Variants in SLC37A1 observed in about 807,000 individuals in gnomAD.
SLC37A1 encodes glucose-6-phosphate exchanger SLC37A1.
A neutral mutation model predicts 75.3 loss-of-function variants in SLC37A1; 49 were observed. The observed-to-expected ratio is 0.65, with a 90% CI of 0.52 to 0.83. The LOEUF is 0.83. Ranked by LOEUF, SLC37A1 falls within the 40% of genes least tolerant of loss-of-function variation. SLC37A1 has a pLI of 0.00. For missense variants in SLC37A1, 566 were observed against 695.0 expected, an observed-to-expected ratio of 0.81 and a Z score of 2.09; for synonymous variants, 268 against 292.1, an observed-to-expected ratio of 0.92 and a Z score of 0.84.
At chr21:42,515,544 C>T (rs897038398) in intron 1 of SLC37A1, among the ~76,000 whole-genome samples, 7 of 152,210 alleles carry the variant, frequency 4.6e-5, no homozygotes, top group Non-Finnish European at 1.0e-4. Flanking sequence ...GCGCAGATCA[C>T]ATGTGGGTGG....
intron 5 of SLC37A1, 116 bp downstream of exon 5, chr21:42,535,666 T>A (rs367544377): frequency 1.2e-6 from 1 of 856,188 alleles, no homozygotes. Context: ...CGCTTGCCAC[T>A]GGCTTCCCTG....
intron 3 of SLC37A1, among the ~76,000 whole-genome samples, chr21:42,529,165 T>C (rs753895731): frequency 3.9e-5 from 6 of 152,170 alleles, no homozygotes; most frequent in Non-Finnish European, 8.8e-5. Context: ...GTCAGTAGAA[T>C]AGATTAGAAA....
intron 12 of SLC37A1, among the ~76,000 whole-genome samples, chr21:42,562,655 G>A (rs554839829): frequency 3.4e-4 from 41 of 121,344 alleles, no homozygotes; most frequent in African/African-American, 1.1e-3. Context: ...ATCAGAAAAC[G>A]TGCCAGTGAA....
intron 10 of SLC37A1, among the ~76,000 whole-genome samples, chr21:42,554,413 G>A (rs144225371): frequency 1.5e-3 from 228 of 152,312 alleles, no homozygotes; most frequent in African/African-American, 5.3e-3. Flanking sequence ...GGCGGTGCTG[G>A]TGTAGACGGA....
chr21:42,510,085 T>C (rs915899060), upstream of SLC37A1, among the ~76,000 whole-genome samples: 2 of 152,248 alleles, frequency 1.3e-5, no homozygotes, highest in Non-Finnish European at 2.9e-5. Context: ...TGGAGTGCAG[T>C]GATGCGATCT....
intron 17 of SLC37A1, among the ~76,000 whole-genome samples, chr21:42,568,918 C>T (rs375225374): frequency 6.6e-6 from 1 of 152,254 alleles, no homozygotes; most frequent in Non-Finnish European, 1.5e-5. Context: ...GCAGGTGGAG[C>T]TGGCAGAGTG....
intron 3 of SLC37A1, among the ~76,000 whole-genome samples, chr21:42,531,426 A>T (rs1441707572): frequency 6.6e-6 from 1 of 152,006 alleles, no homozygotes. Context: ...CCCGCCTCAC[A>T]TAAGTGTGGA....
chr21:42,580,458 C>T lies in SLC37A1; in HGVS notation c.*98C>T. 1 of 1,362,800 alleles carries T rather than the reference C, an allele frequency of 7.3e-7. No homozygotes were observed. 84.4% of individuals were successfully genotyped at this position (1,362,800 alleles called of 1,614,324 possible). ...AAGGGCCCTGCATGGAAAGAGTGACCTCCCTTTGCCTTTTGCACACGCACC... is the reference window on the plus strand; with the variant it reads ...AAGGGCCCTGCATGGAAAGAGTGACTTCCCTTTGCCTTTTGCACACGCACC... On this transcript the variant is annotated 3_prime_UTR_variant, in exon 20 of 20. Transcript: ENST00000352133.
chr21:42,503,732 T>C (rs1400646952), intron 2 of SLC37A1, among the ~76,000 whole-genome samples: 2 of 152,222 alleles, frequency 1.3e-5, no homozygotes, highest in Non-Finnish European at 2.9e-5. Flanking sequence ...CATTTTTAAT[T>C]ATCTAGTTAC....
chr21:42,577,258 C>T (rs1279119832), intron 18 of SLC37A1, among the ~76,000 whole-genome samples: 1 of 152,134 alleles, frequency 6.6e-6, no homozygotes, highest in Admixed American at 6.5e-5. Context: ...GAGTATTGAC[C>T]ATATAAAATA....
At chr21:42,568,673 G>A (rs547476108) in intron 17 of SLC37A1, among the ~76,000 whole-genome samples, 2 of 152,306 alleles carry the variant, frequency 1.3e-5, no homozygotes, top group African/African-American at 2.4e-5. Flanking sequence ...GTTTTCACCC[G>A]AGGCAGTGGT....
At chr21:42,525,918 T>G (rs893918955) in intron 3 of SLC37A1, 61 bp downstream of exon 3, 4 of 1,297,684 alleles carry the variant, frequency 3.1e-6, no homozygotes, top group Non-Finnish European at 3.4e-6. Context: ...TTGAAAAGCT[T>G]GTGGGGCAGA....
intron 3 of SLC37A1, among the ~76,000 whole-genome samples, chr21:42,529,032 G>T (rs2054872340): frequency 2.0e-5 from 3 of 152,032 alleles, no homozygotes; most frequent in African/African-American, 7.2e-5. Flanking sequence ...TTGTATGAAA[G>T]AATGTCCAGG....
intron 12 of SLC37A1, among the ~76,000 whole-genome samples, chr21:42,563,343 A>T (rs1187631419): frequency 6.6e-6 from 1 of 152,180 alleles, no homozygotes; most frequent in Non-Finnish European, 1.5e-5. Flanking sequence ...ACAGCCCCAG[A>T]TGCCGTGCAG....
In SLC37A1 at chr21:42,547,037, A is replaced by T. The variant is rs574731942; in HGVS notation, c.731-66A>T. 1.0e-5 allele frequency: 16 copies of T among 1,602,410 alleles called. No homozygotes were observed. In the African/African-American group the frequency reaches 2.1e-4, roughly 21 times the overall value. ...TCCCGTGTTGCCCTGTCCTCGGGTT[A>T]CGTAGCTTACTTGGCATTGCCATGG... is the stretch of plus-strand genomic sequence containing the variant. On this transcript the variant is annotated intron_variant, in intron 8 of 19. Transcript: ENST00000352133. The surrounding 1 kb of genome is among the most constrained non-coding windows in gnomAD (Gnocchi z 6.1).
intron 10 of SLC37A1, among the ~76,000 whole-genome samples, chr21:42,557,502 C>G (rs1211769501): frequency 1.3e-5 from 2 of 152,272 alleles, no homozygotes; most frequent in East Asian, 1.9e-4. Flanking sequence ...GGCATCTGCA[C>G]TCAGCCTTGT....
chr21:42,513,250 C>A (rs2054457787), upstream of SLC37A1, among the ~76,000 whole-genome samples: 1 of 152,138 alleles, frequency 6.6e-6, no homozygotes, highest in Admixed American at 6.5e-5. Flanking sequence ...AGGGCACTGG[C>A]CCGCAAGGGT....
chr21:42,563,916 T>G (rs565831691), intron 13 of SLC37A1, 39 bp downstream of exon 13: 2 of 1,609,816 alleles, frequency 1.2e-6, no homozygotes, highest in African/African-American at 1.3e-5. Flanking sequence ...AACAATAATT[T>G]CGCAAGGCGC....
rs147104985 is a variant in SLC37A1, at chr21:42,523,817, C to T, written c.57-1959C>T. Reference sequence around the variant, plus strand: ...GAGTTGGTTTGGTTTGGTTCCTTCCCCAAAGGCACAGGCATTCCAAAGGTT... The same window carrying T: ...GAGTTGGTTTGGTTTGGTTCCTTCCTCAAAGGCACAGGCATTCCAAAGGTT... On this transcript the variant is annotated intron_variant, in intron 2 of 19. Transcript: ENST00000352133. 2.7e-3 allele frequency among the ~76,000 whole-genome samples: 418 copies of T among 152,284 alleles called. 2 individuals carry two copies. Among genetic ancestry groups the T allele is most frequent in the Non-Finnish European group, 4.0e-3 (275 of 68,018 alleles).
Sources: gnomAD v4.1 joint callset for allele counts (sites outside exome capture counted in the v4.1 genomes callset) on GRCh38, gnomAD v4.1.1 for gene constraint, Gnocchi (gnomAD v3.1) non-coding constraint, MANE v1.5 for transcripts, NCBI Gene and HGNC (gene_info 2026-07-23, HGNC 2026-07-21) for gene names.